CLPB: variants seen among roughly 807,000 people sequenced by gnomAD.
CLPB encodes ClpB family mitochondrial disaggregase, also known as mitochondrial disaggregase.
A neutral mutation model predicts 78.4 loss-of-function variants in CLPB; 40 were observed. That is an observed-to-expected ratio of 0.51 (90% CI 0.40 to 0.66). The LOEUF (loss-of-function observed/expected upper bound fraction) is 0.66. Among genes scored for constraint, CLPB ranks in the 30% least tolerant of loss-of-function variants. The probability of loss-of-function intolerance (pLI) is 0.00; values close to 1 mark genes in which losing one functional copy is unlikely to be tolerated. For synonymous variants in CLPB, 333 were observed against 348.0 expected, an observed-to-expected ratio of 0.96 and a Z score of 0.48; for missense variants, 780 against 886.9, an observed-to-expected ratio of 0.88 and a Z score of 1.53.
At chr11:72,302,034 G>T in intron 10 of CLPB, 70 bp from the exon 11 acceptor site, 1 of 1,547,286 alleles carries the variant, frequency 6.5e-7, no homozygotes, top group South Asian at 1.2e-5. Context: ...GGGCATGCAT[G>T]GGAAGATGAC....
intron 3 of CLPB, among the ~76,000 whole-genome samples, chr11:72,399,139 T>A (rs2135070501): frequency 6.6e-6 from 1 of 151,484 alleles, no homozygotes; most frequent in Non-Finnish European, 1.5e-5. Flanking sequence ...TCAGGAAACT[T>A]CAATCTAAAT....
In CLPB at chr11:72,295,580, A is replaced by G. The variant is rs772288311; in HGVS notation, c.1398T>C (p.Asn466=). 4.6e-5 allele frequency: 75 copies of G among 1,613,946 alleles called. No individual in the cohort carries two copies. Among genetic ancestry groups the G allele is most frequent in the Non-Finnish European group, 5.8e-5 (68 of 1,180,010 alleles). ...CKDAIFIMTS[N]VASDEIAQHA... ...GCTGTGCGATCTCGTCGCTGGCCAC[A>G]TTGGAGGTCATGATGAAGATGGCGT... Residue 466 remains asparagine, a synonymous_variant, in exon 12 of 16, where the codon AAT becomes AAC. Transcript: ENST00000538039.
intron 6 of CLPB, among the ~76,000 whole-genome samples, chr11:72,321,824 G>C (rs932494903): frequency 1.3e-5 from 2 of 152,110 alleles, no homozygotes; most frequent in Admixed American, 6.5e-5. Context: ...AGATAAACTC[G>C]GGTATGCCCC....
At position 72,380,327 on chromosome 11, in the gene CLPB, G is replaced by A. The variant is rs755565905; in HGVS notation, c.600C>T (p.Ser200=). The change falls in exon 4 of 16, where the codon AGC becomes AGT. Residue 200 remains serine (S), a synonymous_variant. Transcript: ENST00000538039. ...GADPNLGDDF[S]SVYKTAKEQG... ...GTTCCTTGGCAGTCTTGTAAACACT[G>A]CTGAAATCATCTCCAAGGTTTGGAT... 4 of 1,614,020 alleles carry A rather than the reference G, an allele frequency of 2.5e-6. No individual in the cohort carries two copies. The highest frequency in any genetic ancestry group is 3.4e-6 in the Non-Finnish European group (4 of 1,179,986).
chr11:72,362,666 G>A (rs1950862169), intron 4 of CLPB, among the ~76,000 whole-genome samples: 1 of 152,144 alleles, frequency 6.6e-6, no homozygotes. Context: ...TAACAGTAAC[G>A]CCTTCATGGG....
At chr11:72,324,675 G>A (rs1950101064) in intron 6 of CLPB, among the ~76,000 whole-genome samples, 2 of 152,210 alleles carry the variant, frequency 1.3e-5, no homozygotes, top group Admixed American at 1.3e-4. Flanking sequence ...TAAGCCACAG[G>A]GCCAAGTACA....
At chr11:72,386,617 T>A (rs1490875884) in intron 3 of CLPB, among the ~76,000 whole-genome samples, 3 of 152,104 alleles carry the variant, frequency 2.0e-5, no homozygotes, top group Admixed American at 2.0e-4. Flanking sequence ...TCCTTACAGG[T>A]AAGCCCAAAA....
chr11:72,433,925 C>T (rs1856623511), intron 1 of CLPB, 147 bp downstream of exon 1: 1 of 971,348 alleles, frequency 1.0e-6, no homozygotes, highest in African/African-American at 1.6e-5. Context: ...GGGCAACACC[C>T]TGCCCCTGTA....
chr11:72,402,213 A>G (rs1855583783), intron 3 of CLPB, among the ~76,000 whole-genome samples: 1 of 152,148 alleles, frequency 6.6e-6, no homozygotes, highest in Non-Finnish European at 1.5e-5. Flanking sequence ...CGAGCCATAG[A>G]TCGTACCACT....
intron 6 of CLPB, among the ~76,000 whole-genome samples, chr11:72,319,780 T>C (rs1254376387): frequency 6.6e-6 from 1 of 152,258 alleles, no homozygotes; most frequent in Non-Finnish European, 1.5e-5. Context: ...GTGACCAAAA[T>C]GGCTACCTTC....
At chr11:72,328,250 A>G (rs1950163418) in intron 6 of CLPB, among the ~76,000 whole-genome samples, 1 of 152,184 alleles carries the variant, frequency 6.6e-6, no homozygotes. Context: ...GGGATCCCTA[A>G]GTGCCTAGGA....
At chr11:72,316,694 G>A (rs1205431069) in intron 7 of CLPB, among the ~76,000 whole-genome samples, 1 of 152,204 alleles carries the variant, frequency 6.6e-6, no homozygotes, top group East Asian at 1.9e-4. Flanking sequence ...GTTGACAGAT[G>A]GGGACATAAG....
chr11:72,310,564 C>T (rs905391380), intron 7 of CLPB, among the ~76,000 whole-genome samples: 11 of 152,112 alleles, frequency 7.2e-5, no homozygotes, highest in Admixed American at 7.2e-4. Flanking sequence ...GATATTGAAA[C>T]GGCAAAGGCT....
At position 72,434,371 on chromosome 11, in the gene CLPB, C is replaced by T. The variant is rs1443706709; in HGVS notation, c.104G>A (p.Arg35Gln). Residue 35 changes from arginine to glutamine, a missense_variant, in exon 1 of 16, where the codon CGG becomes CAG. Arg to Gln is a conservative substitution (Grantham distance 43). Transcript: ENST00000538039. ...TLRGHGGASGRNVTTGSLGEP... is the reference protein window; with the variant it reads ...TLRGHGGASGQNVTTGSLGEP... ...CCCGAGACTCCCAGTAGTCACATTC[C>T]GGCCGGAAGCACCTCCATGGCCCCG... 6.2e-7 allele frequency: 1 copy of T among 1,611,820 alleles called. No homozygotes were observed. The highest frequency in any genetic ancestry group is 8.5e-7 in the Non-Finnish European group (1 of 1,178,948).
intron 7 of CLPB, among the ~76,000 whole-genome samples, chr11:72,314,520 C>T (rs543862153): frequency 3.9e-5 from 6 of 152,256 alleles, no homozygotes; most frequent in African/African-American, 1.4e-4. Context: ...AGGGCCTGGG[C>T]TCTGGGGCCA....
At chr11:72,311,777 C>T (rs1949851572) in intron 7 of CLPB, among the ~76,000 whole-genome samples, 1 of 152,244 alleles carries the variant, frequency 6.6e-6, no homozygotes, top group Non-Finnish European at 1.5e-5. Context: ...GTGTCAGGGC[C>T]CTCTGCACAG....
chr11:72,403,054 TA>T lies in CLPB; in HGVS notation c.456-3del, dbSNP rs1281608758. 1 of 1,612,782 alleles carries T rather than the reference TA, an allele frequency of 6.2e-7. No homozygotes were observed. Among genetic ancestry groups the T allele is most frequent in the Admixed American group, 1.7e-5 (1 of 60,006 alleles). On this transcript the variant is annotated splice_polypyrimidine_tract_variant and splice_region_variant and intron_variant, in intron 2 of 15. Transcript: ENST00000538039. Reference sequence around the variant, plus strand: ...ACATCTGCACCTTCTGACAACAGCCTAAAACAAGACAGAGGAATATTTTCAG... The same window carrying T: ...ACATCTGCACCTTCTGACAACAGCCTAAACAAGACAGAGGAATATTTTCAG...
rs759628306 is a variant in CLPB, at chr11:72,294,067, G to A, written c.1740C>T (p.Val580=). The change falls in exon 15 of 16, where the codon GTC becomes GTT. Residue 580 remains valine (V), a synonymous_variant. Coordinates refer to ENST00000538039, the MANE Select transcript of CLPB (RefSeq NM_001258392.3). ...LWDREVADVL[V]DGYNVHYGAR... ...CGCCATAGTGCACATTGTAGCCGTC[G>A]ACCAGCACATCTGCCACCTCGCGGT... 13 of 1,614,118 alleles carry A rather than the reference G, an allele frequency of 8.1e-6. No homozygotes were observed. Among genetic ancestry groups the A allele is most frequent in the South Asian group, 1.1e-5 (1 of 91,046 alleles).
rs1949483409 is a variant in CLPB, at chr11:72,293,329, T to C, written c.*38A>G. 21 of 1,600,042 alleles carry C rather than the reference T, an allele frequency of 1.3e-5. No individual in the cohort carries two copies. The highest frequency in any genetic ancestry group is 1.8e-5 in the Non-Finnish European group (21 of 1,170,406). On this transcript the variant is annotated 3_prime_UTR_variant, in exon 16 of 16. Coordinates refer to ENST00000538039, the MANE Select transcript of CLPB (RefSeq NM_001258392.3). ...CCATGCCACAGCCAAGGGGCCTTTA[T>C]TGGATGGTGAGGGCACATAGGAGCA...
Sources: gnomAD v4.1 joint callset for allele counts (sites outside exome capture counted in the v4.1 genomes callset) on GRCh38, gnomAD v4.1.1 for gene constraint, MANE v1.5 for transcripts, NCBI Gene and HGNC (gene_info 2026-07-23, HGNC 2026-07-21) for gene names.